The following F13A1 variants were observed in gnomAD, a reference collection of about 807,000 sequenced individuals.
The protein encoded by F13A1 is FSF, A subunit.
A neutral mutation model predicts 80.1 loss-of-function variants in F13A1; 47 were observed. The ratio of observed to expected loss-of-function variants is 0.59; its 90% CI spans 0.46 to 0.75. The LOEUF (loss-of-function observed/expected upper bound fraction) is 0.75. Ranked by LOEUF, F13A1 falls within the 30% of genes least tolerant of loss-of-function variation. The pLI is 0.00. For synonymous variants in F13A1, 349 were observed against 344.9 expected, an observed-to-expected ratio of 1.01 and a Z score of -0.13; for missense variants, 817 against 930.4, an observed-to-expected ratio of 0.88 and a Z score of 1.59.
At chr6:6,203,427 G>A (rs538555843) in intron 8 of F13A1, among the ~76,000 whole-genome samples, 55 of 152,354 alleles carry the variant, frequency 3.6e-4, no homozygotes, top group African/African-American at 1.3e-3. Flanking sequence ...GGCCTCATCA[G>A]ATGAGCCTTT....
chr6:6,260,220 C>T (rs1757759647), intron 4 of F13A1, among the ~76,000 whole-genome samples: 1 of 152,174 alleles, frequency 6.6e-6, no homozygotes, highest in African/African-American at 2.4e-5. Context: ...GCTATTGATC[C>T]CCATTAATGA....
In F13A1 at chr6:6,319,447, C is replaced by G. The variant is rs112320711; in HGVS notation, c.-18-765G>C. On this transcript the variant is annotated intron_variant, in intron 1 of 14. Transcript: ENST00000264870. ...TAAGAAGTCAGGGTTGCCAACATTT[C>G]CCATTCCCCAAGCCTGCTTCCCCTT... is the stretch of plus-strand genomic sequence containing the variant. 8.1e-4 allele frequency among the ~76,000 whole-genome samples: 123 copies of G among 152,310 alleles called. 1 individual carries two copies. Among genetic ancestry groups the G allele is most frequent in the African/African-American group, 2.8e-3 (115 of 41,568 alleles).
chr6:6,320,572 G>T lies in F13A1; in HGVS notation c.-19+15C>A, dbSNP rs1238789429. 1 of 465,926 alleles carries T rather than the reference G, an allele frequency of 2.1e-6. No individual in the cohort carries two copies. Among genetic ancestry groups the T allele is most frequent in the African/African-American group, 2.0e-5 (1 of 49,964 alleles). The allele number at this position is 465,926 out of a possible 1,614,324, so 28.9% of individuals were successfully genotyped here. ...AGCGGGCCCTGGCTCATAGGGTGCA[G>T]GGTCGGTGGCTTACCTGCAGGCGCT... On this transcript the variant is annotated intron_variant, in intron 1 of 14. Transcript: ENST00000264870.
intron 6 of F13A1, among the ~76,000 whole-genome samples, chr6:6,244,386 A>G (rs1408189389): frequency 6.6e-6 from 1 of 152,130 alleles, no homozygotes; most frequent in Non-Finnish European, 1.5e-5. Context: ...TCTTAAATCA[A>G]TCTGCAGTAT....
At chr6:6,266,500 T>C (rs1033575366) in intron 4 of F13A1, 58 bp downstream of exon 4, 2 of 1,613,724 alleles carry the variant, frequency 1.2e-6, no homozygotes, top group African/African-American at 2.7e-5. Flanking sequence ...GCATGTGCCA[T>C]GGCACCCCGC....
intron 4 of F13A1, among the ~76,000 whole-genome samples, chr6:6,257,362 C>T (rs1757716802): frequency 6.6e-6 from 1 of 152,132 alleles, no homozygotes; most frequent in East Asian, 1.9e-4. Context: ...GCTTTTTATT[C>T]TGGAAGGATC....
intron 6 of F13A1, among the ~76,000 whole-genome samples, chr6:6,237,513 G>A (rs1757428903): frequency 6.6e-6 from 1 of 152,086 alleles, no homozygotes; most frequent in African/African-American, 2.4e-5. Flanking sequence ...TTTCTGCCTT[G>A]TTGTTGCTGG....
At chr6:6,168,095 C>T (rs1327595196) in intron 12 of F13A1, among the ~76,000 whole-genome samples, 1 of 152,234 alleles carries the variant, frequency 6.6e-6, no homozygotes, top group African/African-American at 2.4e-5. Flanking sequence ...ACTACCTACA[C>T]ATTTTCTCTG....
At chr6:6,292,306 C>T (rs1422282839) in intron 3 of F13A1, among the ~76,000 whole-genome samples, 2 of 152,156 alleles carry the variant, frequency 1.3e-5, no homozygotes, top group African/African-American at 4.8e-5. Context: ...GAAGTGCTAG[C>T]ATCTGTCATC....
intron 14 of F13A1, among the ~76,000 whole-genome samples, chr6:6,150,463 T>C (rs1175118841): frequency 6.6e-6 from 1 of 152,230 alleles, no homozygotes; most frequent in Non-Finnish European, 1.5e-5. Context: ...GTTTATTGCA[T>C]CTGCAATAAG....
intron 10 of F13A1, among the ~76,000 whole-genome samples, chr6:6,193,067 C>T (rs1055015849): frequency 6.6e-6 from 1 of 152,098 alleles, no homozygotes; most frequent in Non-Finnish European, 1.5e-5. Context: ...GCTTCAGATC[C>T]ACAGGAACCC....
At chr6:6,225,474 T>G (rs1010474118) in intron 6 of F13A1, among the ~76,000 whole-genome samples, 1 of 152,128 alleles carries the variant, frequency 6.6e-6, no homozygotes, top group Non-Finnish European at 1.5e-5. Context: ...AGAGGTTTTT[T>G]GTTTTTGTTT....
intron 3 of F13A1, 31 bp downstream of exon 3, chr6:6,305,320 G>A (rs1758496765): frequency 6.2e-7 from 1 of 1,612,856 alleles, no homozygotes; most frequent in Non-Finnish European, 8.5e-7. Flanking sequence ...AACCCATGGT[G>A]TCAAGACTGG....
chr6:6,218,049 C>T (rs542016740), intron 8 of F13A1, among the ~76,000 whole-genome samples: 2 of 152,232 alleles, frequency 1.3e-5, no homozygotes, highest in East Asian at 1.9e-4. Flanking sequence ...GGGTGCATTC[C>T]GGTGGGGAAA....
intron 1 of F13A1, 24 bp from the exon 2 acceptor site, chr6:6,318,706 G>T: frequency 1.3e-6 from 2 of 1,506,762 alleles, no homozygotes; most frequent in East Asian, 2.3e-5. Context: ...AAAAAAAGAA[G>T]ACAACAGAAA....
chr6:6,185,262 C>T (rs1761058525), intron 10 of F13A1, among the ~76,000 whole-genome samples: 1 of 148,630 alleles, frequency 6.7e-6, no homozygotes, highest in Admixed American at 6.7e-5. Context: ...GTATATCTCC[C>T]TATGCTATCC....
At chr6:6,151,674 A>G in intron 14 of F13A1, 139 bp downstream of exon 14, 1 of 1,186,884 alleles carries the variant, frequency 8.4e-7, no homozygotes, top group Non-Finnish European at 1.2e-6. Context: ...TCCACGCCCT[A>G]CAGAAATGGT....
intron 2 of F13A1, among the ~76,000 whole-genome samples, chr6:6,311,799 T>C (rs1758604862): frequency 1.4e-5 from 2 of 145,390 alleles, no homozygotes; most frequent in African/African-American, 5.0e-5. Context: ...TCTTTATATA[T>C]TATATATTGT....
chr6:6,234,553 A>G (rs1323995175), intron 6 of F13A1, among the ~76,000 whole-genome samples: 1 of 151,998 alleles, frequency 6.6e-6, no homozygotes, highest in Non-Finnish European at 1.5e-5. Context: ...GATGAATTTT[A>G]AGACTTGATA....
Sources: allele counts gnomAD v4.1 joint callset (sites outside exome capture counted in the v4.1 genomes callset), GRCh38; gene constraint gnomAD v4.1.1; transcripts MANE v1.5; gene names NCBI Gene and HGNC (gene_info 2026-07-23, HGNC 2026-07-21).